CACNA1A: variants seen among roughly 807,000 people sequenced by gnomAD.
The protein encoded by CACNA1A is voltage-dependent P/Q-type calcium channel subunit alpha-1A.
Under a neutral mutation model 262.4 loss-of-function variants are expected in CACNA1A, and 57 were observed. That is an observed-to-expected ratio of 0.22 (90% CI 0.18 to 0.27). The LOEUF (loss-of-function observed/expected upper bound fraction) is 0.27, where lower values mean the gene tolerates loss of function less well. Among genes scored for constraint, CACNA1A ranks in the 10% least tolerant of loss-of-function variants. The pLI is 1.00. For missense variants in CACNA1A, 2,526 were observed against 3,562.8 expected (o/e 0.71, Z 7.41); for synonymous variants, 1,431 against 1,419.3 (o/e 1.01, Z -0.18).
intron 3 of CACNA1A, among the ~76,000 whole-genome samples, chr19:13,402,550 A>G (rs968345784): frequency 6.6e-6 from 1 of 151,818 alleles, no homozygotes; most frequent in Non-Finnish European, 1.5e-5. Context: ...TAAAATTAAA[A>G]AAAAGAAAAA....
intron 1 of CACNA1A, among the ~76,000 whole-genome samples, chr19:13,505,646 G>C (rs891855595): frequency 6.6e-6 from 1 of 151,964 alleles, no homozygotes; most frequent in Middle Eastern, 3.4e-3. Context: ...CACGACCCCA[G>C]GCCCCAGATC....
chr19:13,446,988 T>C (rs997794521), intron 3 of CACNA1A, among the ~76,000 whole-genome samples: 1 of 152,018 alleles, frequency 6.6e-6, no homozygotes, highest in Non-Finnish European at 1.5e-5. Context: ...ATTTGAGCAA[T>C]GTGCCTCATT....
chr19:13,234,145 C>T (rs556158286), intron 34 of CACNA1A, among the ~76,000 whole-genome samples: 5 of 150,694 alleles, frequency 3.3e-5, no homozygotes, highest in African/African-American at 7.3e-5. Flanking sequence ...GTCAGGAGAT[C>T]GAGACCATCC....
intron 22 of CACNA1A, among the ~76,000 whole-genome samples, 161 bp downstream of exon 22, chr19:13,283,106 C>T (rs771610337): frequency 6.6e-6 from 1 of 152,208 alleles, no homozygotes; most frequent in Admixed American, 6.5e-5. Context: ...CCAAGAGCAT[C>T]CCCAAGGAAT....
chr19:13,499,441 A>AGG (rs1555795921), intron 1 of CACNA1A, among the ~76,000 whole-genome samples: 1 of 14,400 alleles, frequency 6.9e-5, no homozygotes, highest in African/African-American at 3.9e-4. Context: ...GACCAGTCGC[A>AGG]GGGGGTGGTG....
Position 13,257,823 on chromosome 19 carries a change from C to T in CACNA1A, c.4389-272G>A, listed in dbSNP as rs564003725. On this transcript the variant is annotated intron_variant, in intron 27 of 46. Transcript: ENST00000360228. ...CGTGATCTTGGGTCACTACAACCTC[C>T]GCCTCCCGGGTTCAAATGATTCTCC... 13 of 224,838 alleles carry T rather than the reference C, an allele frequency of 5.8e-5. No homozygotes were observed. In the East Asian group the frequency reaches 8.1e-4, roughly 14 times the overall value. 13.9% of individuals were successfully genotyped at this position (224,838 alleles called of 1,614,324 possible).
At chr19:13,413,692 A>G (rs1236166421) in intron 3 of CACNA1A, among the ~76,000 whole-genome samples, 22 of 148,222 alleles carry the variant, frequency 1.5e-4, no homozygotes, top group Non-Finnish European at 8.9e-5. Flanking sequence ...CAGCCCGGCC[A>G]ACATAGCGAA....
chr19:13,207,261 GGTGTGTGC>G lies in CACNA1A; in HGVS notation c.*44_*51del. The G allele has an allele frequency of 6.7e-7, 1 of 1,484,070 alleles. No homozygotes were observed. The highest frequency in any genetic ancestry group is 1.2e-5 in the South Asian group (1 of 80,466). The allele number at this position is 1,484,070 out of a possible 1,614,324, so 91.9% of individuals were successfully genotyped here. ...GGCCTCTGCGCGGCTCCTCGGGTGG[GGTGTGTGC>G]GTGGGGTGCGTGGGGGGCCGGGCGG... is the stretch of plus-strand genomic sequence containing the variant. On this transcript the variant is annotated 3_prime_UTR_variant, in exon 47 of 47. Transcript: ENST00000360228. The surrounding 1 kb of genome is among the most constrained non-coding windows in gnomAD (Gnocchi z 5.7).
chr19:13,456,833 A>G lies in CACNA1A; in HGVS notation c.294-1621T>C, dbSNP rs147461577. ...ATTAGTGATCAGGGAAGTGCAAATCAAACCCCAACGGGATACTGCTTCACA... is the reference window on the plus strand; with the variant it reads ...ATTAGTGATCAGGGAAGTGCAAATCGAACCCCAACGGGATACTGCTTCACA... On this transcript the variant is annotated intron_variant, in intron 1 of 46. Coordinates refer to ENST00000360228, the MANE Select transcript of CACNA1A (RefSeq NM_001127222.2). 3.4e-3 allele frequency among the ~76,000 whole-genome samples: 519 copies of G among 152,344 alleles called. 2 individuals carry two copies. Among genetic ancestry groups the G allele is most frequent in the Middle Eastern group, 0.014 (4 of 294 alleles).
chr19:13,451,697 T>G (rs1262292591), intron 3 of CACNA1A: 1 of 152,222 alleles, frequency 6.6e-6, no homozygotes, highest in East Asian at 1.9e-4. Flanking sequence ...CCTTTCCAAG[T>G]ATCACCTTCT....
In CACNA1A at chr19:13,365,356, T is replaced by C. The variant is rs1005732031; in HGVS notation, c.745A>G (p.Met249Val). Reference sequence around the variant, plus strand: ...AAGCAGGTGGTATGAAATTTTCCCATATAAAATTCTAACCCTATGATTGCA... The same window carrying C: ...AAGCAGGTGGTATGAAATTTTCCCACATAAAATTCTAACCCTATGATTGCA... Reference protein sequence around the residue: ...IFAIIGLEFYMGKFHTTCFEE... With the variant: ...IFAIIGLEFYVGKFHTTCFEE... Residue 249 changes from methionine (M) to valine (V), a missense_variant, in exon 5 of 47, where the codon ATG (methionine) becomes GTG (valine). Coordinates refer to ENST00000360228, the MANE Select transcript of CACNA1A (RefSeq NM_001127222.2). 2.5e-6 allele frequency: 4 copies of C among 1,613,288 alleles called. No individual in the cohort carries two copies. Among genetic ancestry groups the C allele is most frequent in the Non-Finnish European group, 3.4e-6 (4 of 1,179,498 alleles).
chr19:13,452,656 A>G, intron 3 of CACNA1A: 1 of 439,936 alleles, frequency 2.3e-6, no homozygotes, highest in Admixed American at 3.9e-5. Context: ...GAAGCAGCCA[A>G]CAATAATGAG....
chr19:13,428,451 T>C (rs1599431485), intron 3 of CACNA1A, among the ~76,000 whole-genome samples: 1 of 152,254 alleles, frequency 6.6e-6, no homozygotes, highest in African/African-American at 2.4e-5. Context: ...GTGAGCAATT[T>C]TGGAATGAAT....
At chr19:13,257,133 G>A (rs953551807) in intron 28 of CACNA1A, 13 of 383,258 alleles carry the variant, frequency 3.4e-5, no homozygotes, top group African/African-American at 1.0e-4. Context: ...TTGTTACTGC[G>A]GCATAACCTA....
chr19:13,348,964 C>T (rs538368264), intron 6 of CACNA1A, among the ~76,000 whole-genome samples: 7 of 146,994 alleles, frequency 4.8e-5, no homozygotes, highest in African/African-American at 7.6e-5. Flanking sequence ...GCCGAGATTG[C>T]GCCACTGCAC....
chr19:13,307,951 C>A (rs1253835508), intron 14 of CACNA1A, 97 bp from the exon 15 acceptor site: 5 of 1,395,136 alleles, frequency 3.6e-6, no homozygotes, highest in Admixed American at 1.8e-5. Context: ...ACGTCTCCAT[C>A]ATCTCTGTCC....
At chr19:13,432,095 C>T (rs894925804) in intron 3 of CACNA1A, among the ~76,000 whole-genome samples, 17 of 123,414 alleles carry the variant, frequency 1.4e-4, no homozygotes, top group Admixed American at 9.3e-4. Context: ...GAGAGTGAGA[C>T]TCCGTCTCAA....
chr19:13,209,636 A>C, intron 44 of CACNA1A, 138 bp from the exon 45 acceptor site: 1 of 557,244 alleles, frequency 1.8e-6, no homozygotes, highest in Admixed American at 4.1e-5. Context: ...GGGCCAGGGG[A>C]TGCCATGGGG....
intron 1 of CACNA1A, among the ~76,000 whole-genome samples, chr19:13,469,714 T>TC (rs1356224585): frequency 1.3e-5 from 2 of 149,828 alleles, no homozygotes; most frequent in Non-Finnish European, 3.0e-5. Flanking sequence ...CCGCCTCGGC[T>TC]CCCCAAAGTG....
Sources: allele counts gnomAD v4.1 joint callset (sites outside exome capture counted in the v4.1 genomes callset), GRCh38; gene constraint gnomAD v4.1.1; non-coding constraint Gnocchi (gnomAD v3.1); transcripts MANE v1.5; gene names NCBI Gene and HGNC (gene_info 2026-07-23, HGNC 2026-07-21).